Variants in POU6F2 observed in about 807,000 individuals in gnomAD.
POU6F2 encodes the protein POU class 6 homeobox 2, also known as POU domain, class 6, transcription factor 2.
POU6F2 carries 31 observed loss-of-function variants against 71.3 expected under a neutral mutation model. That is an observed-to-expected ratio of 0.43 (90% CI 0.33 to 0.59). The LOEUF is 0.59. POU6F2 is among the 20% of genes least tolerant of loss of function. POU6F2 has a pLI of 0.04. For missense variants in POU6F2, 783 were observed against 856.8 expected, an observed-to-expected ratio of 0.91 and a Z score of 1.07; for synonymous variants, 347 against 355.7, an observed-to-expected ratio of 0.98 and a Z score of 0.27.
intron 2 of POU6F2, among the ~76,000 whole-genome samples, chr7:39,165,503 C>A (rs1339087765): frequency 6.6e-6 from 1 of 152,094 alleles, no homozygotes; most frequent in Non-Finnish European, 1.5e-5. Flanking sequence ...TCATGATAAA[C>A]AATTAACAGA....
chr7:39,183,258 T>A (rs1386021365), intron 2 of POU6F2, among the ~76,000 whole-genome samples: 1 of 152,196 alleles, frequency 6.6e-6, no homozygotes, highest in East Asian at 1.9e-4. Context: ...ACCTGCTGTA[T>A]TAGTCTGTTC....
At chr7:39,291,401 C>CA (rs1369865694) in intron 4 of POU6F2, among the ~76,000 whole-genome samples, 2 of 152,152 alleles carry the variant, frequency 1.3e-5, no homozygotes, top group Non-Finnish European at 2.9e-5. Context: ...ATTTATGACA[C>CA]ATAATTTTAG....
At chr7:39,010,945 T>A (rs1208135008) in intron 1 of POU6F2, among the ~76,000 whole-genome samples, 1 of 150,846 alleles carries the variant, frequency 6.6e-6, no homozygotes. Flanking sequence ...TACTTCCAAG[T>A]ATGTGGTCAA....
chr7:39,339,964 G>C lies in POU6F2; in HGVS notation c.921G>C (p.Gln307His). ...QSSSPPQKPS[Q>H]SPGHGLPSPL... ...CCAGCCCCCCGCAGAAACCTAGTCA[G>C]TCTCCAGGACATGGCCTGCCTTCAC... The change falls in exon 5 of 10, where the codon CAG becomes CAC. Residue 307 changes from glutamine to histidine, a missense_variant. Transcript: ENST00000518318. 6.2e-7 allele frequency: 1 copy of C among 1,613,854 alleles called. No individual in the cohort carries two copies. The highest frequency in any genetic ancestry group is 8.5e-7 in the Non-Finnish European group (1 of 1,179,812).
intron 1 of POU6F2, among the ~76,000 whole-genome samples, chr7:39,046,088 C>T (rs1323358663): frequency 6.6e-6 from 1 of 151,776 alleles, no homozygotes; most frequent in East Asian, 1.9e-4. Context: ...GATATAACAG[C>T]TCAGGTTTCT....
chr7:39,070,179 T>C (rs1790847473), intron 1 of POU6F2, among the ~76,000 whole-genome samples: 1 of 152,150 alleles, frequency 6.6e-6, no homozygotes, highest in Non-Finnish European at 1.5e-5. Flanking sequence ...CAAAAGGAAT[T>C]TGGTTGATAT....
At chr7:39,317,288 G>T (rs111276968) in intron 4 of POU6F2, among the ~76,000 whole-genome samples, 2,089 of 152,272 alleles carry the variant, frequency 0.014, 40 homozygotes, top group African/African-American at 0.048. Context: ...CTGCCAACAT[G>T]ATGGGAACTC....
At position 39,015,854 on chromosome 7, in the gene POU6F2, T is replaced by TATATATTATATATAG. The variant is rs1562670717; in HGVS notation, c.105+37802_105+37803insTATATATAGATATAT. ...AGATATATAATATATTATATATAGA[T>TATATATTATATATAG]ATATATAATATATTATATATAGATA... On this transcript the variant is annotated intron_variant, in intron 1 of 9. Transcript: ENST00000518318. 4.9e-4 allele frequency among the ~76,000 whole-genome samples: 10 copies of TATATATTATATATAG among 20,378 alleles called. 1 individual carries two copies. Among genetic ancestry groups the TATATATTATATATAG allele is most frequent in the Non-Finnish European group, 1.1e-3 (8 of 6,992 alleles). 13.4% of individuals were successfully genotyped at this position (20,378 alleles called of 152,430 possible).
intron 4 of POU6F2, among the ~76,000 whole-genome samples, chr7:39,257,600 C>T (rs1026302057): frequency 2.6e-5 from 4 of 152,050 alleles, no homozygotes; most frequent in African/African-American, 9.7e-5. Flanking sequence ...TATGTACCCA[C>T]CCTGCTTTGT....
chr7:39,128,421 G>C (rs914834759), intron 2 of POU6F2, among the ~76,000 whole-genome samples: 24 of 152,128 alleles, frequency 1.6e-4, no homozygotes, highest in African/African-American at 5.8e-4. Flanking sequence ...TGCATGTTAG[G>C]GTGGTGCAGA....
intron 2 of POU6F2, among the ~76,000 whole-genome samples, chr7:39,096,775 A>C (rs1791463460): frequency 6.6e-6 from 1 of 152,248 alleles, no homozygotes; most frequent in African/African-American, 2.4e-5. Context: ...AAATTTAAAA[A>C]TAGATGGCTG....
At chr7:39,211,173 G>A (rs1794136261) in intron 4 of POU6F2, among the ~76,000 whole-genome samples, 1 of 152,092 alleles carries the variant, frequency 6.6e-6, no homozygotes, top group Admixed American at 6.5e-5. Flanking sequence ...CATCACCTTG[G>A]GGGTTAGGAT....
chr7:39,363,008 T>C (rs560910986), intron 5 of POU6F2, among the ~76,000 whole-genome samples: 391 of 152,276 alleles, frequency 2.6e-3, no homozygotes, highest in Non-Finnish European at 4.2e-3. Flanking sequence ...TGCAGGCCAC[T>C]GTAAGAACTG....
intron 2 of POU6F2, among the ~76,000 whole-genome samples, chr7:39,110,445 C>A (rs982926210): frequency 6.6e-6 from 1 of 152,036 alleles, no homozygotes; most frequent in African/African-American, 2.4e-5. Flanking sequence ...AGGAATACTA[C>A]ATAATGATGT....
intron 2 of POU6F2, among the ~76,000 whole-genome samples, chr7:39,168,785 T>A (rs1793161777): frequency 6.6e-6 from 1 of 152,228 alleles, no homozygotes; most frequent in South Asian, 2.1e-4. Context: ...CTCTCCTGCA[T>A]GTTTTTTTGT....
Position 39,077,649 on chromosome 7 carries a change from A to G in POU6F2, c.106-8211A>G, listed in dbSNP as rs1584530947. On this transcript the variant is annotated intron_variant, in intron 1 of 9. Transcript: ENST00000518318. ...GAGGACACTTATCTGAGGTTCAACA[A>G]AAAGACAAGAGACCCTTAAACTGCC... is the stretch of plus-strand genomic sequence containing the variant. Among the ~76,000 whole-genome samples the G allele has an allele frequency of 7.9e-5, 12 of 152,336 alleles. No homozygotes were observed. In the South Asian group the frequency reaches 2.5e-3, roughly 32 times the overall value.
intron 4 of POU6F2, among the ~76,000 whole-genome samples, chr7:39,213,533 G>T (rs1794184545): frequency 6.6e-6 from 1 of 152,168 alleles, no homozygotes; most frequent in Non-Finnish European, 1.5e-5. Flanking sequence ...ATCTCTAAAA[G>T]ATTCCTCTGT....
In POU6F2 at chr7:39,086,151, G is replaced by T. The variant is rs1041582166; in HGVS notation, c.277+120G>T. The T allele has an allele frequency of 2.9e-6, 3 of 1,025,980 alleles. No homozygotes were observed. In the African/African-American group the frequency reaches 5.8e-5, roughly 20 times the overall value. 63.6% of individuals were successfully genotyped at this position (1,025,980 alleles called of 1,614,324 possible). A position where few individuals can be genotyped will look rare whatever the true frequency, so the allele number is the denominator to read the frequency against. ...CAGTTTTCCCGTAAGTACTAAAAAGGAGCATCTTGGAGGTGCTAAGCCACT... is the reference window on the plus strand; with the variant it reads ...CAGTTTTCCCGTAAGTACTAAAAAGTAGCATCTTGGAGGTGCTAAGCCACT... On this transcript the variant is annotated intron_variant, in intron 2 of 9. Transcript: ENST00000518318.
chr7:39,080,243 A>T (rs1423844934), intron 1 of POU6F2, among the ~76,000 whole-genome samples: 1 of 152,206 alleles, frequency 6.6e-6, no homozygotes, highest in Non-Finnish European at 1.5e-5. Flanking sequence ...TCAAGAGCTA[A>T]ACTAATTAAT....
Sources: gnomAD v4.1 joint callset for allele counts (sites outside exome capture counted in the v4.1 genomes callset) on GRCh38, gnomAD v4.1.1 for gene constraint, MANE v1.5 for transcripts, NCBI Gene and HGNC (gene_info 2026-07-23, HGNC 2026-07-21) for gene names.